The following HIKESHI variants were observed in gnomAD, a reference collection of about 807,000 sequenced individuals.
HIKESHI encodes the protein protein Hikeshi.
In HIKESHI, 13 loss-of-function variants were observed where a neutral mutation model predicts 25.7. The ratio of observed to expected loss-of-function variants is 0.51; its 90% CI spans 0.33 to 0.80. The LOEUF (loss-of-function observed/expected upper bound fraction) is 0.80, where lower values mean the gene tolerates loss of function less well. Among genes scored for constraint, HIKESHI ranks in the 30% least tolerant of loss-of-function variants. The pLI is 0.02. For synonymous variants in HIKESHI, 76 were observed against 78.7 expected (o/e 0.97, Z 0.18); for missense variants, 174 against 229.5 (o/e 0.76, Z 1.56).
intron 2 of HIKESHI, among the ~76,000 whole-genome samples, chr11:86,317,720 G>T (rs924517521): frequency 6.6e-6 from 1 of 151,690 alleles, no homozygotes; most frequent in Admixed American, 6.6e-5. Flanking sequence ...TGGGAGAATC[G>T]CTTGAGCCAG....
intron 2 of HIKESHI, among the ~76,000 whole-genome samples, chr11:86,318,771 A>G (rs1225455794): frequency 2.6e-5 from 4 of 152,214 alleles, no homozygotes; most frequent in Non-Finnish European, 2.9e-5. Flanking sequence ...ATGTTATTTT[A>G]TTTAGATGCC....
chr11:86,319,201 C>G (rs987420098), intron 2 of HIKESHI, among the ~76,000 whole-genome samples: 2 of 143,976 alleles, frequency 1.4e-5, no homozygotes, highest in African/African-American at 5.2e-5. Flanking sequence ...GCATGAGCTA[C>G]TGTGCCTGGC....
At position 86,316,771 on chromosome 11, in the gene HIKESHI, C is replaced by CTTTTTTTTTT. The variant is rs71040229; in HGVS notation, c.268+10320_268+10329dup. On this transcript the variant is annotated intron_variant, in intron 2 of 4. Coordinates refer to ENST00000278483, the MANE Select transcript of HIKESHI (RefSeq NM_016401.4). The stretch of plus-strand genomic sequence containing the variant: ...TTATGAGTAATGAATCTGAAACATT[C>CTTTTTTTTTT]TTTTTTTTTTTTTTTTTTTTTTTTT... Among the ~76,000 whole-genome samples, 158 of 68,782 alleles carry CTTTTTTTTTT rather than the reference C, an allele frequency of 2.3e-3. 19 individuals are homozygous for CTTTTTTTTTT. The highest frequency in any genetic ancestry group is 3.1e-3 in the Non-Finnish European group (117 of 37,482). The allele number at this position is 68,782 out of a possible 152,430, so 45.1% of individuals were successfully genotyped here. A position where few individuals can be genotyped will look rare whatever the true frequency, so the allele number is the denominator to read the frequency against.
chr11:86,342,706 A>C (rs1331900383), intron 3 of HIKESHI, among the ~76,000 whole-genome samples: 2 of 138,938 alleles, frequency 1.4e-5, no homozygotes, highest in African/African-American at 5.4e-5. Context: ...AGCCCCATGA[A>C]TTGAGTAATT....
At position 86,304,512 on chromosome 11, in the gene HIKESHI, C is replaced by CTT. The variant is rs35545393; in HGVS notation, c.31-1712_31-1711dup. Among the ~76,000 whole-genome samples, 654 of 112,430 alleles carry CTT rather than the reference C, an allele frequency of 5.8e-3. 4 individuals are homozygous for CTT. The highest frequency in any genetic ancestry group is 8.9e-3 in the East Asian group (33 of 3,688). 73.8% of individuals were successfully genotyped at this position (112,430 alleles called of 152,430 possible). ...GCCAGTGTGTGAGTTGCACAACTCA[C>CTT]TTTTTTTTTTTTTTTTTTTTTTGAG... is the stretch of plus-strand genomic sequence containing the variant. On this transcript the variant is annotated intron_variant, in intron 1 of 4. Transcript: ENST00000278483.
chr11:86,319,585 A>G (rs142838374), intron 2 of HIKESHI, among the ~76,000 whole-genome samples: 12 of 150,990 alleles, frequency 7.9e-5, no homozygotes, highest in African/African-American at 2.9e-4. Flanking sequence ...ATCAAATTGA[A>G]TATCTGTAAT....
At position 86,308,559 on chromosome 11, in the gene HIKESHI, T is replaced by TTTTATTTATTTATTTAATTTATTTA. The variant is rs138719804; in HGVS notation, c.268+2093_268+2094insATTTATTTATTTATTTATTTATTTA. On this transcript the variant is annotated intron_variant, in intron 2 of 4. Coordinates refer to ENST00000278483, the MANE Select transcript of HIKESHI (RefSeq NM_016401.4). ...GTTGACATTGCAGAGCCATAATTCT[T>TTTTATTTATTTATTTAATTTATTTA]TTTATTTATTTATTTATTTATCTAT... Among the ~76,000 whole-genome samples, 839 of 142,552 alleles carry TTTTATTTATTTATTTAATTTATTTA rather than the reference T, an allele frequency of 5.9e-3. 12 individuals carry two copies. The highest frequency in any genetic ancestry group is 0.02 in the African/African-American group (773 of 38,534). 93.5% of individuals were successfully genotyped at this position (142,552 alleles called of 152,430 possible).
chr11:86,330,401 T>C (rs1382942923), intron 2 of HIKESHI, among the ~76,000 whole-genome samples: 1 of 152,222 alleles, frequency 6.6e-6, no homozygotes, highest in East Asian at 1.9e-4. Context: ...ATCATATTTG[T>C]ACCAAAATTC....
chr11:86,336,730 T>C (rs894128813), intron 2 of HIKESHI, among the ~76,000 whole-genome samples: 5 of 152,134 alleles, frequency 3.3e-5, no homozygotes, highest in Admixed American at 2.0e-4. Flanking sequence ...ATTAACCACA[T>C]TTAAGAAGCT....
intron 2 of HIKESHI, among the ~76,000 whole-genome samples, chr11:86,308,027 A>G (rs1946707549): frequency 8.0e-6 from 1 of 125,326 alleles, no homozygotes; most frequent in Admixed American, 9.1e-5. Context: ...TACATATTAT[A>G]AATATATAAT....
chr11:86,330,955 C>T (rs914425017), intron 2 of HIKESHI, among the ~76,000 whole-genome samples: 1 of 152,034 alleles, frequency 6.6e-6, no homozygotes, highest in Non-Finnish European at 1.5e-5. Context: ...TGATATGATT[C>T]GTTATGGATC....
At chr11:86,343,399 C>T (rs1489153184) in intron 3 of HIKESHI, 2 of 151,526 alleles carry the variant, frequency 1.3e-5, no homozygotes, top group Non-Finnish European at 2.9e-5. Flanking sequence ...CTTTGGGAGG[C>T]TGAGGTGAGA....
intron 3 of HIKESHI, chr11:86,343,897 A>G (rs1947798885): frequency 6.6e-6 from 1 of 152,224 alleles, no homozygotes; most frequent in Non-Finnish European, 1.5e-5. Context: ...TAGGGTTAGT[A>G]CTTAAGCCCA....
intron 2 of HIKESHI, among the ~76,000 whole-genome samples, chr11:86,331,465 G>GA (rs1360081858): frequency 6.6e-6 from 1 of 152,100 alleles, no homozygotes; most frequent in African/African-American, 2.4e-5. Context: ...CTCCAGCCTG[G>GA]ACAACAAAGC....
In HIKESHI at chr11:86,320,531, G is replaced by C. The variant is rs554187646; in HGVS notation, c.268+14049G>C. 3.4e-4 allele frequency among the ~76,000 whole-genome samples: 52 copies of C among 152,328 alleles called. No individual in the cohort carries two copies. The South Asian group carries it at 9.9e-3, about 29-fold the overall frequency. On this transcript the variant is annotated intron_variant, in intron 2 of 4. Coordinates refer to ENST00000278483, the MANE Select transcript of HIKESHI (RefSeq NM_016401.4). ...GTGGAGGTTGGAGTGAGCCAAGATC[G>C]TGCCATTGCACTCCAGCCTGGGTGA...
intron 3 of HIKESHI, among the ~76,000 whole-genome samples, chr11:86,339,191 G>T (rs976564379): frequency 6.8e-6 from 1 of 147,588 alleles, no homozygotes; most frequent in Admixed American, 6.9e-5. Flanking sequence ...GACTACACGT[G>T]CCCGCCACCA....
chr11:86,339,340 G>T (rs1043224107), intron 3 of HIKESHI, among the ~76,000 whole-genome samples: 1 of 152,092 alleles, frequency 6.6e-6, no homozygotes, highest in African/African-American at 2.4e-5. Context: ...GAGCCACCGC[G>T]CCCAGCCTGT....
intron 2 of HIKESHI, among the ~76,000 whole-genome samples, chr11:86,318,118 C>T (rs971116939): frequency 6.6e-6 from 1 of 151,536 alleles, no homozygotes; most frequent in African/African-American, 2.4e-5. Context: ...TCCTGGCTAA[C>T]ACGTTGAAAC....
Position 86,333,251 on chromosome 11 carries a change from T to C in HIKESHI, c.269-4128T>C, listed in dbSNP as rs960569594. Among the ~76,000 whole-genome samples the C allele has an allele frequency of 1.1e-4, 17 of 152,230 alleles. No individual in the cohort carries two copies. In the East Asian group the frequency reaches 3.1e-3, roughly 28 times the overall value. On this transcript the variant is annotated intron_variant, in intron 2 of 4. Coordinates refer to ENST00000278483, the MANE Select transcript of HIKESHI (RefSeq NM_016401.4). Reference sequence around the variant, plus strand: ...TATTTTTAAGGATCAAGAGAAAATATGAGGCCGGGTGCGGTGGCTCATGTC... The same window carrying C: ...TATTTTTAAGGATCAAGAGAAAATACGAGGCCGGGTGCGGTGGCTCATGTC...
Sources: gnomAD v4.1 joint callset for allele counts (sites outside exome capture counted in the v4.1 genomes callset) on GRCh38, gnomAD v4.1.1 for gene constraint, MANE v1.5 for transcripts, NCBI Gene and HGNC (gene_info 2026-07-23, HGNC 2026-07-21) for gene names.